PCID2: variants seen among roughly 807,000 people sequenced by gnomAD.
PCID2 encodes PCI domain containing 2.
In PCID2, 41 loss-of-function variants were observed where a neutral mutation model predicts 61.3. The observed-to-expected ratio is 0.67, with a 90% CI of 0.52 to 0.87. The LOEUF is 0.87. Among genes scored for constraint, PCID2 ranks in the 40% least tolerant of loss-of-function variants. The probability of loss-of-function intolerance (pLI) is 0.00; values close to 1 mark genes in which losing one functional copy is unlikely to be tolerated. For missense variants in PCID2, 392 were observed against 493.4 expected (o/e 0.79, Z 1.95); for synonymous variants, 187 against 177.8 (o/e 1.05, Z -0.41).
chr13:113,183,858 T>C (rs1334856938), intron 9 of PCID2: 10 of 985,450 alleles, frequency 1.0e-5, no homozygotes, highest in African/African-American at 1.7e-5. Context: ...ACAGGAGCTC[T>C]GTGGTAGCGA....
chr13:113,167,307 G>A, the PCID2 span, among the ~76,000 whole-genome samples: 6 of 152,200 alleles, frequency 3.9e-5, no homozygotes, highest in Non-Finnish European at 7.3e-5. Flanking sequence ...CTTATGGTAG[G>A]TATTCAACAA....
intron 6 of PCID2, among the ~76,000 whole-genome samples, chr13:113,194,206 A>G (rs2038834040): frequency 6.6e-6 from 1 of 152,154 alleles, no homozygotes; most frequent in Non-Finnish European, 1.5e-5. Flanking sequence ...ATGGGGTGGG[A>G]CGGACCTGCT....
At chr13:113,200,329 T>C in intron 2 of PCID2, 98 bp downstream of exon 2, 2 of 742,680 alleles carry the variant, frequency 2.7e-6, no homozygotes, top group Admixed American at 2.3e-5. Context: ...AGAGTGACAA[T>C]ATTAGTTTTC....
chr13:113,178,544 C>T lies in PCID2; in HGVS notation c.1111-257G>A, dbSNP rs115408490. 3,377 of 427,396 alleles carry T rather than the reference C, an allele frequency of 7.9e-3. 90 individuals are homozygous for T. The highest frequency in any genetic ancestry group is 0.059 in the African/African-American group (2,938 of 49,818). 26.5% of individuals were successfully genotyped at this position (427,396 alleles called of 1,614,324 possible). On this transcript the variant is annotated intron_variant, in intron 13 of 13. Coordinates refer to ENST00000337344, the MANE Select transcript of PCID2 (RefSeq NM_001127202.4). The stretch of plus-strand genomic sequence containing the variant: ...TGCATCTGTAATGAACACGTACAGA[C>T]GCTCTTCCCTTGCCGTGATTCCCTA...
At chr13:113,182,497 G>C (rs1417281428) in intron 9 of PCID2, among the ~76,000 whole-genome samples, 2 of 152,124 alleles carry the variant, frequency 1.3e-5, no homozygotes, top group Non-Finnish European at 2.9e-5. Flanking sequence ...TACAAAAAAT[G>C]CATTTTTTCT....
chr13:113,203,111 C>T (rs1161962378), intron 1 of PCID2, among the ~76,000 whole-genome samples: 2 of 152,130 alleles, frequency 1.3e-5, no homozygotes, highest in East Asian at 1.9e-4. Context: ...GGACCACAGT[C>T]GTCAGTGAGA....
chr13:113,183,528 G>GTTT (rs1383969085), intron 9 of PCID2, among the ~76,000 whole-genome samples: 1 of 152,098 alleles, frequency 6.6e-6, no homozygotes, highest in Non-Finnish European at 1.5e-5. Context: ...AGCCCACAGA[G>GTTT]TAAAAACTGT....
the PCID2 span, among the ~76,000 whole-genome samples, chr13:113,169,907 C>T: frequency 2.6e-5 from 4 of 152,360 alleles, no homozygotes; most frequent in Non-Finnish European, 4.4e-5. Flanking sequence ...TCTCCTCTGC[C>T]GGACTCTGTT....
chr13:113,200,701 T>C (rs1398658315), intron 1 of PCID2, 185 bp from the exon 2 acceptor site: 13 of 378,556 alleles, frequency 3.4e-5, no homozygotes, highest in South Asian at 3.0e-4. Context: ...AATTTCTTTT[T>C]TTTTTTTTTT....
intron 7 of PCID2, chr13:113,190,573 G>C (rs973279873): frequency 8.0e-6 from 2 of 249,986 alleles, no homozygotes; most frequent in Non-Finnish European, 1.5e-5. Context: ...CTCACCAAAC[G>C]CAAATGTGGA....
chr13:113,175,515 G>C (rs1185549342), downstream of PCID2, among the ~76,000 whole-genome samples: 1 of 152,220 alleles, frequency 6.6e-6, no homozygotes, highest in Non-Finnish European at 1.5e-5. Context: ...CAGCAGGGAA[G>C]ATCAGATTTC....
chr13:113,175,003 G>A (rs549780064), downstream of PCID2, among the ~76,000 whole-genome samples: 5 of 152,250 alleles, frequency 3.3e-5, no homozygotes, highest in South Asian at 2.1e-4. Flanking sequence ...TCACGGGGGC[G>A]GCTCCCCCAC....
chr13:113,178,072 C>T lies in PCID2; in HGVS notation c.*126G>A. The T allele has an allele frequency of 1.7e-6, 1 of 586,516 alleles. No homozygotes were observed. The highest frequency in any genetic ancestry group is 3.0e-5 in the East Asian group (1 of 33,000). 36.3% of individuals were successfully genotyped at this position (586,516 alleles called of 1,614,324 possible). On this transcript the variant is annotated 3_prime_UTR_variant, in exon 14 of 14. Transcript: ENST00000337344. ...TGCTGAAAATCTCAGCCTCAGCATCCCTGGGAAAAGCGCCTCCAAGAGTTC... is the reference window on the plus strand; with the variant it reads ...TGCTGAAAATCTCAGCCTCAGCATCTCTGGGAAAAGCGCCTCCAAGAGTTC...
Position 113,179,127 on chromosome 13 carries a change from C to T in PCID2, c.987-38G>A. On this transcript the variant is annotated intron_variant, in intron 12 of 13. Transcript: ENST00000337344. The surrounding 1 kb of genome is among the most constrained non-coding windows in gnomAD (Gnocchi z 4.3). ...AGGAGAAGGGCACTGTGGTTACCGACAGGATGCAATACTCCACAGCCAAGA... is the reference window on the plus strand; with the variant it reads ...AGGAGAAGGGCACTGTGGTTACCGATAGGATGCAATACTCCACAGCCAAGA... 3 of 1,598,700 alleles carry T rather than the reference C, an allele frequency of 1.9e-6. No homozygotes were observed. Among genetic ancestry groups the T allele is most frequent in the Non-Finnish European group, 1.7e-6 (2 of 1,171,724 alleles).
chr13:113,180,557 G>A (rs1355672588), intron 10 of PCID2, among the ~76,000 whole-genome samples: 1 of 152,212 alleles, frequency 6.6e-6, no homozygotes, highest in Non-Finnish European at 1.5e-5. Context: ...GTAGCTTCCA[G>A]AAGAATCAGC....
At chr13:113,171,849 C>T in the PCID2 span, 454 of 1,613,632 alleles carry the variant, frequency 2.8e-4, 1 homozygote, top group East Asian at 3.8e-3. This position sits in a 1 kb window ranked among gnomAD's most constrained non-coding sequence, Gnocchi z 5.1. Flanking sequence ...TCGCTGACCA[C>T]GCGGCCTGTC....
downstream of PCID2, chr13:113,177,490 T>C (rs2037223290): frequency 2.0e-5 from 3 of 152,034 alleles, no homozygotes; most frequent in South Asian, 6.5e-4. Flanking sequence ...TGCCTAAGAG[T>C]GGAGGCTTCT....
chr13:113,165,201 C>A, the PCID2 span: 1 of 1,411,072 alleles, frequency 7.1e-7, no homozygotes. Context: ...GAAATGTTGA[C>A]AACTAAGTGA....
downstream of PCID2, among the ~76,000 whole-genome samples, chr13:113,173,258 T>G (rs1365888659): frequency 6.6e-6 from 1 of 152,222 alleles, no homozygotes; most frequent in Non-Finnish European, 1.5e-5. Context: ...AGGCTGCAGC[T>G]GCAATGCAAG....
Sources: allele counts gnomAD v4.1 joint callset (sites outside exome capture counted in the v4.1 genomes callset), GRCh38; gene constraint gnomAD v4.1.1; non-coding constraint Gnocchi (gnomAD v3.1); transcripts MANE v1.5; gene names NCBI Gene and HGNC (gene_info 2026-07-23, HGNC 2026-07-21).